Variants in FGFR2 observed in about 807,000 individuals in gnomAD.
The protein encoded by FGFR2 is BEK fibroblast growth factor receptor.
In FGFR2, 19 loss-of-function variants were observed where a neutral mutation model predicts 95.9. That is an observed-to-expected ratio of 0.20 (90% CI 0.14 to 0.29). The LOEUF (loss-of-function observed/expected upper bound fraction) is 0.29. Among genes scored for constraint, FGFR2 ranks in the 10% least tolerant of loss-of-function variants. The pLI, the probability that FGFR2 is intolerant of heterozygous loss-of-function variation, is 1.00. For synonymous variants in FGFR2, 392 were observed against 393.3 expected (o/e 1.00, Z 0.04); for missense variants, 707 against 1,056.9 (o/e 0.67, Z 4.59).
At chr10:121,577,561 G>T (rs991103644) in intron 2 of FGFR2, among the ~76,000 whole-genome samples, 1 of 152,086 alleles carries the variant, frequency 6.6e-6, no homozygotes, top group African/African-American at 2.4e-5. Flanking sequence ...GTACATGTGC[G>T]TATGTGTTCT....
chr10:121,594,275 A>G, intron 1 of FGFR2: 1 of 291,622 alleles, frequency 3.4e-6, no homozygotes, highest in Non-Finnish European at 6.5e-6. Context: ...ACTATCCACT[A>G]TCGCCTCCAC....
rs1844307508 is a variant in FGFR2 at position 121,478,667 on chromosome 10, AC to A, written c.*1189del. The A allele has an allele frequency of 4.3e-6, 1 of 233,254 alleles. No homozygotes were observed. Among genetic ancestry groups the A allele is most frequent in the Admixed American group, 5.6e-5 (1 of 17,784 alleles). The allele number at this position is 233,254 out of a possible 1,614,324, so 14.4% of individuals were successfully genotyped here. A position where few individuals can be genotyped will look rare whatever the true frequency, so the allele number is the denominator to read the frequency against. ...ACGTATCCCCAAAACTATCAGCAGA[AC>A]AACTCTGTGTTTCAATTTTCTATGA... On this transcript the variant is annotated 3_prime_UTR_variant, in exon 18 of 18. Transcript: ENST00000358487.
intron 2 of FGFR2, among the ~76,000 whole-genome samples, chr10:121,570,348 C>T (rs889755177): frequency 6.6e-6 from 1 of 152,182 alleles, no homozygotes; most frequent in African/African-American, 2.4e-5. Flanking sequence ...CCCCAGGCTG[C>T]GCGGAGCCAG....
intron 2 of FGFR2, among the ~76,000 whole-genome samples, chr10:121,567,790 C>G (rs1857921365): frequency 6.6e-6 from 1 of 152,198 alleles, no homozygotes; most frequent in African/African-American, 2.4e-5. Flanking sequence ...TATTGTCTGG[C>G]GCTGCTTTTG....
rs1360793081 is a variant in FGFR2 at position 121,530,908 on chromosome 10, G to C, written c.748+7684C>G. Among the ~76,000 whole-genome samples the C allele has an allele frequency of 2.6e-5, 4 of 152,294 alleles. No homozygotes were observed. The East Asian group carries it at 7.7e-4, about 29-fold the overall frequency. ...TTTATTTGCCCAAGCTCTGACAGAA[G>C]CAGCTTTCTCTCTGCCCCATCCTCA... On this transcript the variant is annotated intron_variant, in intron 6 of 17. Coordinates refer to ENST00000358487, the MANE Select transcript of FGFR2 (RefSeq NM_000141.5).
chr10:121,526,491 C>A (rs568844506), intron 6 of FGFR2, among the ~76,000 whole-genome samples: 4 of 152,324 alleles, frequency 2.6e-5, no homozygotes, highest in African/African-American at 7.2e-5. Context: ...GCCTGACAGG[C>A]TAAATCTCGT....
intron 2 of FGFR2, among the ~76,000 whole-genome samples, chr10:121,581,565 C>T (rs535252590): frequency 7.1e-5 from 10 of 140,630 alleles, no homozygotes; most frequent in African/African-American, 2.8e-4. Flanking sequence ...AAGTGAGAAC[C>T]CATCTCTACC....
At chr10:121,554,214 C>T (rs1378906522) in intron 4 of FGFR2, among the ~76,000 whole-genome samples, 1 of 152,202 alleles carries the variant, frequency 6.6e-6, no homozygotes, top group African/African-American at 2.4e-5. Context: ...TCCACCCAGG[C>T]TCCCATGTGT....
At chr10:121,553,659 T>C (rs2134885625) in intron 4 of FGFR2, among the ~76,000 whole-genome samples, 2 of 152,346 alleles carry the variant, frequency 1.3e-5, no homozygotes, top group Middle Eastern at 6.8e-3. Flanking sequence ...AGCCTATTCA[T>C]ATGAATTAGC....
chr10:121,544,955 C>A (rs957250575), intron 5 of FGFR2, among the ~76,000 whole-genome samples: 1 of 152,146 alleles, frequency 6.6e-6, no homozygotes, highest in Non-Finnish European at 1.5e-5. Context: ...CCAGTCTGGG[C>A]AACCAAGTGA....
At chr10:121,535,611 G>A (rs7911025) in intron 6 of FGFR2, among the ~76,000 whole-genome samples, 3 of 152,126 alleles carry the variant, frequency 2.0e-5, no homozygotes, top group African/African-American at 4.8e-5. Flanking sequence ...GTGAAGGCTC[G>A]CCACCTCCCG....
intron 5 of FGFR2, among the ~76,000 whole-genome samples, chr10:121,539,487 C>T (rs767562046): frequency 1.4e-4 from 21 of 152,204 alleles, no homozygotes; most frequent in African/African-American, 5.1e-4. Context: ...CACAAAGAGA[C>T]GCCATTCTTA....
At chr10:121,537,114 TCTCA>T (rs1393183831) in intron 6 of FGFR2, among the ~76,000 whole-genome samples, 3 of 152,212 alleles carry the variant, frequency 2.0e-5, no homozygotes, top group Non-Finnish European at 2.9e-5. Flanking sequence ...ACATGGTAAT[TCTCA>T]CTAAGAAACA....
rs761641924 is a variant in FGFR2, at chr10:121,518,909, C to T, written c.939+1070G>A. On this transcript the variant is annotated intron_variant, in intron 7 of 17. Transcript: ENST00000358487. The surrounding 1 kb of genome is among the most constrained non-coding windows in gnomAD (Gnocchi z 4.0). Reference sequence around the variant, plus strand: ...GTCTATGGTCCCACCACCAACACACCGCAAGAAAACAAACTCCATTACGTC... The same window carrying T: ...GTCTATGGTCCCACCACCAACACACTGCAAGAAAACAAACTCCATTACGTC... 1.9e-5 allele frequency: 29 copies of T among 1,549,364 alleles called. No homozygotes were observed. In the African/African-American group the frequency reaches 2.2e-4, roughly 12 times the overall value.
chr10:121,573,866 GC>G (rs1859264717), intron 2 of FGFR2, among the ~76,000 whole-genome samples: 1 of 152,124 alleles, frequency 6.6e-6, no homozygotes, highest in Non-Finnish European at 1.5e-5. Context: ...CACACCTCCT[GC>G]CACCTTGTAC....
intron 17 of FGFR2, among the ~76,000 whole-genome samples, chr10:121,481,269 C>A (rs764750394): frequency 5.9e-5 from 9 of 152,122 alleles, no homozygotes; most frequent in Non-Finnish European, 8.8e-5. Flanking sequence ...CAGAAGCCAA[C>A]AACTATTCTA....
At chr10:121,520,958 G>A (rs1178819686) in intron 6 of FGFR2, among the ~76,000 whole-genome samples, 2 of 152,196 alleles carry the variant, frequency 1.3e-5, no homozygotes, top group Non-Finnish European at 2.9e-5. Flanking sequence ...ACATTTCTAA[G>A]ATGCTCTGAG....
In FGFR2 at chr10:121,479,480, C is replaced by G. The variant is rs1341649939; in HGVS notation, c.*377G>C. The G allele has an allele frequency of 1.2e-5, 9 of 753,556 alleles. No homozygotes were observed. Among genetic ancestry groups the G allele is most frequent in the Non-Finnish European group, 1.7e-5 (8 of 466,752 alleles). The allele number at this position is 753,556 out of a possible 1,614,324, so 46.7% of individuals were successfully genotyped here. ...GAATATATTTACATACATCCAGCAC[C>G]TATATACTGCATTTGTGCTCTGTAA... On this transcript the variant is annotated 3_prime_UTR_variant, in exon 18 of 18. Transcript: ENST00000358487.
chr10:121,564,699 C>G (rs2135094427), intron 3 of FGFR2, 120 bp from the exon 4 acceptor site: 2 of 843,350 alleles, frequency 2.4e-6, no homozygotes, highest in Middle Eastern at 4.4e-4. Context: ...TCGCAAAGAG[C>G]CTGGGATTGT....
Sources: gnomAD v4.1 joint callset for allele counts (sites outside exome capture counted in the v4.1 genomes callset) on GRCh38, gnomAD v4.1.1 for gene constraint, Gnocchi (gnomAD v3.1) non-coding constraint, MANE v1.5 for transcripts, NCBI Gene and HGNC (gene_info 2026-07-23, HGNC 2026-07-21) for gene names.